Variants in CRYBA4 observed in about 807,000 individuals in gnomAD.
The protein encoded by CRYBA4 is crystallin beta A4, also known as beta-crystallin A4.
In CRYBA4, 30 loss-of-function variants were observed where a neutral mutation model predicts 31.7. That is an observed-to-expected ratio of 0.95 (90% CI 0.71 to 1.28). The LOEUF is 1.28. CRYBA4 is among the 50% of genes most tolerant of loss of function. The probability of loss-of-function intolerance (pLI) is 0.00; values close to 1 mark genes in which losing one functional copy is unlikely to be tolerated. For synonymous variants in CRYBA4, 102 were observed against 102.3 expected (o/e 1.00, Z 0.02); for missense variants, 225 against 260.7 (o/e 0.86, Z 0.94).
intron 2 of CRYBA4, 132 bp downstream of exon 2, chr22:26,622,767 C>A: frequency 2.7e-6 from 2 of 747,884 alleles, no homozygotes; most frequent in Non-Finnish European, 4.8e-6. Flanking sequence ...TGAGAAGGGA[C>A]TTGTATGTCA....
At chr22:26,626,970 T>A (rs1045826825) in intron 4 of CRYBA4, among the ~76,000 whole-genome samples, 3 of 152,226 alleles carry the variant, frequency 2.0e-5, no homozygotes, top group Admixed American at 2.0e-4. Context: ...TCCAGGTGAT[T>A]AAATCTCACT....
the CRYBA4 span, among the ~76,000 whole-genome samples, chr22:26,597,933 G>C: frequency 6.6e-6 from 1 of 151,972 alleles, no homozygotes; most frequent in Non-Finnish European, 1.5e-5. Flanking sequence ...ACCCAGGCTG[G>C]AGTACAGTGG....
At chr22:26,607,992 C>T in the CRYBA4 span, 31 of 1,614,202 alleles carry the variant, frequency 1.9e-5, no homozygotes, top group South Asian at 5.5e-5. Context: ...CATCTCCCCG[C>T]GGAAGTTGGA....
At chr22:26,608,247 C>T in the CRYBA4 span, among the ~76,000 whole-genome samples, 1 of 152,210 alleles carries the variant, frequency 6.6e-6, no homozygotes, top group African/African-American at 2.4e-5. Flanking sequence ...CTCATCTACA[C>T]TCATATGCCT....
chr22:26,602,036 G>A, the CRYBA4 span: 3 of 1,613,066 alleles, frequency 1.9e-6, no homozygotes, highest in Non-Finnish European at 2.5e-6. Context: ...GGAAAGAGAG[G>A]CCGGGTCAGG....
chr22:26,627,359 C>CCCTCCCTCCCTTCTTTCTTTCTTT (rs1404229613), intron 4 of CRYBA4, among the ~76,000 whole-genome samples: 1 of 41,820 alleles, frequency 2.4e-5, no homozygotes, highest in Non-Finnish European at 4.1e-5. Flanking sequence ...CTCCCTCCCT[C>CCCTCCCTCCCTTCTTTCTTTCTTT]CTTTCTTTCT....
the CRYBA4 span, among the ~76,000 whole-genome samples, chr22:26,605,751 ATT>A: frequency 1.2e-5 from 1 of 83,070 alleles, no homozygotes. Context: ...GGTCAGGTTT[ATT>A]TTTTTTTTTT....
Position 26,624,278 on chromosome 22 carries a change from T to A in CRYBA4, c.158+926T>A, listed in dbSNP as rs985452692. Among the ~76,000 whole-genome samples the A allele has an allele frequency of 2.0e-5, 3 of 148,616 alleles. No homozygotes were observed. In the East Asian group the frequency reaches 5.9e-4, roughly 29 times the overall value. On this transcript the variant is annotated intron_variant, in intron 3 of 5. Transcript: ENST00000354760. ...CCATACTGGATAAAAGTTCTAGAAG[T>A]TTGGAAAGTAGATCGAAAGGAGATG...
In CRYBA4 at chr22:26,628,056, C is replaced by T. The variant is rs912275964; in HGVS notation, c.301-232C>T. 1.1e-4 allele frequency among the ~76,000 whole-genome samples: 17 copies of T among 152,106 alleles called. 1 individual carries two copies. The highest frequency in any genetic ancestry group is 1.6e-4 in the Non-Finnish European group (11 of 68,008). On this transcript the variant is annotated intron_variant, in intron 4 of 5. Coordinates refer to ENST00000354760, the MANE Select transcript of CRYBA4 (RefSeq NM_001886.3). ...TTTTGTTTGTTTGTTTTTGAAAAAA[C>T]TGTTATGATGAACATTCTTGCAGCC...
chr22:26,604,108 G>C, the CRYBA4 span, among the ~76,000 whole-genome samples: 1 of 151,938 alleles, frequency 6.6e-6, no homozygotes, highest in African/African-American at 2.4e-5. Context: ...AGGCCCAAGG[G>C]TTTGAAGAGC....
chr22:26,599,582 GGAAGGCTCCCCACT>G, the CRYBA4 span: 1 of 1,614,202 alleles, frequency 6.2e-7, no homozygotes, highest in Non-Finnish European at 8.5e-7. Flanking sequence ...ATCTGTGGCT[GGAAGGCTCCCCACT>G]CATTCCAGTG....
the CRYBA4 span, among the ~76,000 whole-genome samples, chr22:26,598,281 C>T: frequency 2.0e-5 from 3 of 152,248 alleles, no homozygotes; most frequent in Non-Finnish European, 4.4e-5. Context: ...ACTTGGCCTT[C>T]TTTAAATTGT....
the CRYBA4 span, among the ~76,000 whole-genome samples, chr22:26,597,434 A>G: frequency 1.3e-5 from 2 of 152,162 alleles, no homozygotes; most frequent in Admixed American, 1.3e-4. Flanking sequence ...ATGGCAGTAA[A>G]ATGTCTTGAG....
At chr22:26,612,140 C>T in the CRYBA4 span, 16 of 1,613,868 alleles carry the variant, frequency 9.9e-6, no homozygotes, top group Middle Eastern at 1.6e-4. Flanking sequence ...AGCACTCCCC[C>T]GAGAATTCTG....
intron 5 of CRYBA4, among the ~76,000 whole-genome samples, chr22:26,629,734 C>CAAAAAAAAAAAAA (rs66906132): frequency 0.044 from 3,530 of 79,982 alleles, 521 homozygotes; most frequent in Non-Finnish European, 0.063. Flanking sequence ...GACTCTGTCT[C>CAAAAAAAAAAAAA]AAAAAAAAAA....
chr22:26,601,475 A>C, the CRYBA4 span, among the ~76,000 whole-genome samples: 6 of 151,700 alleles, frequency 4.0e-5, no homozygotes, highest in Middle Eastern at 3.4e-3. Context: ...TTATGATGCA[A>C]ATTCACTGCT....
chr22:26,591,554 A>G, the CRYBA4 span, among the ~76,000 whole-genome samples: 1 of 151,152 alleles, frequency 6.6e-6, no homozygotes, highest in Non-Finnish European at 1.5e-5. Flanking sequence ...CAGCCTGACC[A>G]ATATGGTGAA....
chr22:26,623,230 A>C lies in CRYBA4; in HGVS notation c.40-4A>C. 1.2e-6 allele frequency: 2 copies of C among 1,609,922 alleles called. No individual in the cohort carries two copies. ...ATCTCCACCTTTTTTTTTTCCTGGCACAGATGGTGGTGTGGGATGAGGACG... is the reference window on the plus strand; with the variant it reads ...ATCTCCACCTTTTTTTTTTCCTGGCCCAGATGGTGGTGTGGGATGAGGACG... On this transcript the variant is annotated splice_region_variant and splice_polypyrimidine_tract_variant and intron_variant, in intron 2 of 5. Coordinates refer to ENST00000354760, the MANE Select transcript of CRYBA4 (RefSeq NM_001886.3).
chr22:26,627,426 T>TTCTTTCCTTCCTTC (rs1431636604), intron 4 of CRYBA4, among the ~76,000 whole-genome samples: 1 of 75,322 alleles, frequency 1.3e-5, no homozygotes, highest in African/African-American at 1.0e-4. Flanking sequence ...CTTTCTTTCT[T>TTCTTTCCTTCCTTC]TTTCTTTCTT....
Sources: gnomAD v4.1 joint callset for allele counts (sites outside exome capture counted in the v4.1 genomes callset) on GRCh38, gnomAD v4.1.1 for gene constraint, MANE v1.5 for transcripts, NCBI Gene and HGNC (gene_info 2026-07-23, HGNC 2026-07-21) for gene names.